The following CSMD1 variants were observed in gnomAD, a reference collection of about 807,000 sequenced individuals.
CSMD1 encodes the protein CUB and sushi domain-containing protein 1.
In CSMD1, 213 loss-of-function variants were observed where a neutral mutation model predicts 417.5. The ratio of observed to expected loss-of-function variants is 0.51; its 90% CI spans 0.46 to 0.57. The LOEUF is 0.57. CSMD1 is among the 20% of genes least tolerant of loss of function. The probability of loss-of-function intolerance (pLI) is 0.00; values close to 1 mark genes in which losing one functional copy is unlikely to be tolerated. For synonymous variants in CSMD1, 2,862 were observed against 1,736.8 expected, an observed-to-expected ratio of 1.65 and a Z score of -16.11; for missense variants, 6,923 against 4,529.7, an observed-to-expected ratio of 1.53 and a Z score of -15.17.
intron 5 of CSMD1, among the ~76,000 whole-genome samples, chr8:3,811,841 C>T (rs1200365607): frequency 6.6e-6 from 1 of 152,150 alleles, no homozygotes; most frequent in Non-Finnish European, 1.5e-5. Flanking sequence ...TCTCCATTAG[C>T]CAACACATTT....
chr8:3,848,240 C>T (rs1472684094), intron 5 of CSMD1, among the ~76,000 whole-genome samples: 1 of 152,146 alleles, frequency 6.6e-6, no homozygotes, highest in Non-Finnish European at 1.5e-5. Context: ...CCCTTAATAC[C>T]TGCAAATCCT....
chr8:3,351,808 G>A (rs556418470), intron 21 of CSMD1, among the ~76,000 whole-genome samples: 1 of 149,526 alleles, frequency 6.7e-6, no homozygotes, highest in East Asian at 1.9e-4. Flanking sequence ...CATACAATGT[G>A]TACTCACTAT....
At chr8:4,218,415 T>C (rs1323858200) in intron 3 of CSMD1, among the ~76,000 whole-genome samples, 2 of 152,228 alleles carry the variant, frequency 1.3e-5, no homozygotes, top group Non-Finnish European at 2.9e-5. Context: ...AAATGACCTT[T>C]ATATTATATA....
At chr8:4,298,316 A>G (rs1355530261) in intron 3 of CSMD1, among the ~76,000 whole-genome samples, 2 of 152,194 alleles carry the variant, frequency 1.3e-5, no homozygotes, top group African/African-American at 4.8e-5. Context: ...TGTTATTCTC[A>G]GTTGTCCTTT....
chr8:4,840,897 C>G (rs1800802949), intron 1 of CSMD1, among the ~76,000 whole-genome samples: 1 of 152,166 alleles, frequency 6.6e-6, no homozygotes, highest in South Asian at 2.1e-4. Context: ...TTGCGTGTCT[C>G]AATCAACACC....
chr8:4,473,605 G>T (rs999082980), intron 2 of CSMD1, among the ~76,000 whole-genome samples: 2 of 152,132 alleles, frequency 1.3e-5, no homozygotes, highest in Admixed American at 1.3e-4. Context: ...AGATGACATT[G>T]TACATCACTT....
chr8:4,148,656 G>A (rs532573909), intron 3 of CSMD1, among the ~76,000 whole-genome samples: 4 of 152,164 alleles, frequency 2.6e-5, no homozygotes, highest in Non-Finnish European at 4.4e-5. Context: ...GTGGATGGCA[G>A]AGAGAGGAGC....
At chr8:3,266,023 G>C (rs570698800) in intron 26 of CSMD1, among the ~76,000 whole-genome samples, 2 of 152,070 alleles carry the variant, frequency 1.3e-5, no homozygotes, top group African/African-American at 4.8e-5. Flanking sequence ...ACAGGTTCAT[G>C]AGGTAGACAT....
chr8:4,351,172 G>A (rs1351241563), intron 3 of CSMD1, among the ~76,000 whole-genome samples: 1 of 151,924 alleles, frequency 6.6e-6, no homozygotes, highest in Non-Finnish European at 1.5e-5. Flanking sequence ...AAAAAATTAG[G>A]GAAAGAACAA....
At chr8:4,701,932 A>G (rs1211673744) in intron 1 of CSMD1, among the ~76,000 whole-genome samples, 3 of 152,210 alleles carry the variant, frequency 2.0e-5, no homozygotes, top group Non-Finnish European at 2.9e-5. Flanking sequence ...GCAGCCATAA[A>G]AAGGAATGAG....
chr8:4,189,882 G>A (rs1483141578), intron 3 of CSMD1, among the ~76,000 whole-genome samples: 1 of 151,870 alleles, frequency 6.6e-6, no homozygotes, highest in South Asian at 2.1e-4. Context: ...ACATAGCCTT[G>A]AATCATTTCT....
intron 2 of CSMD1, among the ~76,000 whole-genome samples, chr8:4,575,118 C>G (rs184325631): frequency 2.8e-4 from 43 of 152,174 alleles, no homozygotes; most frequent in Admixed American, 1.8e-3. Flanking sequence ...GTGCATAGTT[C>G]ATTCTTTCAT....
chr8:4,757,229 A>G (rs1279013631), intron 1 of CSMD1, among the ~76,000 whole-genome samples: 2 of 152,204 alleles, frequency 1.3e-5, no homozygotes, highest in Non-Finnish European at 2.9e-5. Context: ...TTCTCCTTAG[A>G]GAAAACAACT....
chr8:4,916,098 A>G (rs1806051036), intron 1 of CSMD1, among the ~76,000 whole-genome samples: 1 of 152,220 alleles, frequency 6.6e-6, no homozygotes, highest in Non-Finnish European at 1.5e-5. Flanking sequence ...CCAGAAAGAC[A>G]GGTGGTGCTT....
chr8:3,745,330 T>A (rs1797015336), intron 6 of CSMD1, among the ~76,000 whole-genome samples: 1 of 152,122 alleles, frequency 6.6e-6, no homozygotes, highest in Non-Finnish European at 1.5e-5. Flanking sequence ...CTGGTTGGAA[T>A]CTCATGAGCC....
At chr8:3,256,725 G>T (rs996914962) in intron 26 of CSMD1, among the ~76,000 whole-genome samples, 1 of 152,152 alleles carries the variant, frequency 6.6e-6, no homozygotes, top group Non-Finnish European at 1.5e-5. Flanking sequence ...GTCCACCTTT[G>T]ATGTCTGCAT....
intron 3 of CSMD1, among the ~76,000 whole-genome samples, chr8:4,203,602 C>G (rs1674760982): frequency 6.6e-6 from 1 of 152,086 alleles, no homozygotes; most frequent in Admixed American, 6.6e-5. Context: ...CAAAGAGCAG[C>G]TGTGGCACTC....
At chr8:3,974,984 G>A (rs1396755630) in intron 5 of CSMD1, among the ~76,000 whole-genome samples, 1 of 152,008 alleles carries the variant, frequency 6.6e-6, no homozygotes, top group Non-Finnish European at 1.5e-5. Context: ...TTCCCTATGT[G>A]GAATGCTTGA....
At chr8:4,566,925 T>C (rs986495181) in intron 2 of CSMD1, among the ~76,000 whole-genome samples, 14 of 38,538 alleles carry the variant, frequency 3.6e-4, no homozygotes, top group African/African-American at 1.0e-3. Flanking sequence ...AGGAATGAAC[T>C]AAAACTTTAA....
Sources: gnomAD v4.1 joint callset for allele counts (sites outside exome capture counted in the v4.1 genomes callset) on GRCh38, gnomAD v4.1.1 for gene constraint, MANE v1.5 for transcripts, NCBI Gene and HGNC (gene_info 2026-07-23, HGNC 2026-07-21) for gene names.